AK2: variants seen among roughly 807,000 people sequenced by gnomAD.
AK2 encodes the protein adenylate kinase 2.
AK2 carries 15 observed loss-of-function variants against 24.6 expected under a neutral mutation model. That is an observed-to-expected ratio of 0.61 (90% confidence interval 0.41 to 0.94). AK2 has a LOEUF of 0.94. AK2 is among the 40% of genes least tolerant of loss of function. The probability of loss-of-function intolerance (pLI) is 0.00; values close to 1 mark genes in which losing one functional copy is unlikely to be tolerated. For missense variants in AK2, 257 were observed against 304.1 expected, an observed-to-expected ratio of 0.85 and a Z score of 1.15; for synonymous variants, 102 against 114.0, an observed-to-expected ratio of 0.90 and a Z score of 0.67.
At chr1:33,032,801 T>C (rs1403893460) in intron 1 of AK2, among the ~76,000 whole-genome samples, 1 of 152,188 alleles carries the variant, frequency 6.6e-6, no homozygotes, top group Non-Finnish European at 1.5e-5. Flanking sequence ...CAGAGGAAGA[T>C]GTTAAGTACA....
At chr1:33,036,533 C>T (rs1039333169) in intron 1 of AK2, among the ~76,000 whole-genome samples, 1 of 152,216 alleles carries the variant, frequency 6.6e-6, no homozygotes. Context: ...ATCCCTCGGG[C>T]ACTCCAATCC....
At chr1:33,028,409 C>T (rs781536137) in intron 1 of AK2, among the ~76,000 whole-genome samples, 7 of 151,512 alleles carry the variant, frequency 4.6e-5, no homozygotes, top group Non-Finnish European at 7.4e-5. Context: ...GCAGAAGAAT[C>T]GCTTAAAACT....
At position 33,012,984 on chromosome 1, in the gene AK2, G is replaced by A. The variant is rs937618804; in HGVS notation, c.*197C>T. On this transcript the variant is annotated 3_prime_UTR_variant, in exon 6 of 6. Coordinates refer to ENST00000672715, the MANE Select transcript of AK2 (RefSeq NM_001625.4). The stretch of plus-strand genomic sequence containing the variant: ...TAGCAGAGTGAACACATATGTGCAT[G>A]CACACACACACACACACAACACACA... 3.3e-6 allele frequency: 5 copies of A among 1,500,906 alleles called. No individual in the cohort carries two copies. The highest frequency in any genetic ancestry group is 2.4e-5 in the East Asian group (1 of 41,068). The allele number at this position is 1,500,906 out of a possible 1,614,324, so 93.0% of individuals were successfully genotyped here. A position where few individuals can be genotyped will look rare whatever the true frequency, so the allele number is the denominator to read the frequency against.
At chr1:33,027,410 C>T (rs182820630) in intron 1 of AK2, among the ~76,000 whole-genome samples, 34 of 152,234 alleles carry the variant, frequency 2.2e-4, no homozygotes, top group African/African-American at 6.3e-4. Context: ...TGATTGGATT[C>T]TACAGCTAGA....
At position 33,012,346 on chromosome 1, in the gene AK2, G is replaced by A. The variant is rs113978835; in HGVS notation, c.*835C>T. 645 of 1,529,260 alleles carry A rather than the reference G, an allele frequency of 4.2e-4. 1 individual carries two copies. Among genetic ancestry groups the A allele is most frequent in the Non-Finnish European group, 5.2e-4 (599 of 1,144,652 alleles). 94.7% of individuals were successfully genotyped at this position (1,529,260 alleles called of 1,614,324 possible). On this transcript the variant is annotated 3_prime_UTR_variant, in exon 6 of 6. Transcript: ENST00000672715. Reference sequence around the variant, plus strand: ...TAAGTGCCTTTTTCCTTCCACCTAGGGGGAAAAAATTAATGATCCCTGTTC... The same window carrying A: ...TAAGTGCCTTTTTCCTTCCACCTAGAGGGAAAAAATTAATGATCCCTGTTC...
chr1:33,024,380 A>T, intron 2 of AK2, 62 bp downstream of exon 2: 6 of 1,608,462 alleles, frequency 3.7e-6, no homozygotes, highest in Non-Finnish European at 5.1e-6. Flanking sequence ...TGGCTACCAT[A>T]TTGGACAGTG....
intron 2 of AK2, among the ~76,000 whole-genome samples, chr1:33,023,872 T>C (rs1639702581): frequency 6.6e-6 from 1 of 152,120 alleles, no homozygotes; most frequent in Admixed American, 6.5e-5. Flanking sequence ...TAACTTGCAC[T>C]CTAAAAAGTC....
intron 1 of AK2, chr1:33,031,131 A>C (rs1640211162): frequency 1.3e-5 from 2 of 152,366 alleles, no homozygotes; most frequent in Non-Finnish European, 2.9e-5. Flanking sequence ...GAACTTCAGC[A>C]AATTGTAGTT....
chr1:33,018,684 TTCTC>T (rs893233246), intron 4 of AK2, among the ~76,000 whole-genome samples: 1 of 152,186 alleles, frequency 6.6e-6, no homozygotes, highest in Non-Finnish European at 1.5e-5. Context: ...GGAATGAATC[TTCTC>T]TCTTTCACCC....
intron 2 of AK2, 64 bp downstream of exon 2, chr1:33,024,378 A>G (rs1639742179): frequency 9.3e-6 from 15 of 1,607,420 alleles, no homozygotes; most frequent in Middle Eastern, 2.2e-4. Flanking sequence ...GGTGGCTACC[A>G]TATTGGACAG....
chr1:33,024,829 TATTA>T (rs1310251071), intron 1 of AK2, among the ~76,000 whole-genome samples: 4 of 152,326 alleles, frequency 2.6e-5, no homozygotes, highest in Middle Eastern at 6.8e-3. Context: ...GAGTCATAAA[TATTA>T]ATTATCACTA....
Position 33,013,098 on chromosome 1 carries a change from T to C in AK2, c.*83A>G, listed in dbSNP as rs748489922. ...ACATCAAATGATATTTTTGCTAGCC[T>C]GAGGAAGCTTCTCTTTGCCTGTCCT... On this transcript the variant is annotated 3_prime_UTR_variant, in exon 6 of 6. Coordinates refer to ENST00000672715, the MANE Select transcript of AK2 (RefSeq NM_001625.4). The C allele has an allele frequency of 6.2e-7, 1 of 1,612,290 alleles. No homozygotes were observed. The highest frequency in any genetic ancestry group is 8.5e-7 in the Non-Finnish European group (1 of 1,179,992).
chr1:33,036,246 G>A (rs1481560868), intron 1 of AK2, among the ~76,000 whole-genome samples: 1 of 152,050 alleles, frequency 6.6e-6, no homozygotes. Context: ...CTCTCACTCT[G>A]CCCCACGTGT....
chr1:33,028,417 A>C (rs2284806), intron 1 of AK2, among the ~76,000 whole-genome samples: 52,057 of 151,570 alleles, frequency 0.34, 9,388 homozygotes, highest in African/African-American at 0.44. Context: ...ATCGCTTAAA[A>C]CTGGGAGGCA....
rs74064951 is a variant in AK2, at chr1:33,034,491, T to C, written c.93+2245A>G. On this transcript the variant is annotated intron_variant, in intron 1 of 5. Coordinates refer to ENST00000672715, the MANE Select transcript of AK2 (RefSeq NM_001625.4). ...ACACACACACACACACACACACATATATCATAATTTTCCAGTATCATTGTG... is the reference window on the plus strand; with the variant it reads ...ACACACACACACACACACACACATACATCATAATTTTCCAGTATCATTGTG... Among the ~76,000 whole-genome samples, 41 of 139,712 alleles carry C rather than the reference T, an allele frequency of 2.9e-4. No homozygotes were observed. In the East Asian group the frequency reaches 3.8e-3, roughly 13 times the overall value. 91.7% of individuals were successfully genotyped at this position (139,712 alleles called of 152,430 possible). A position where few individuals can be genotyped will look rare whatever the true frequency, so the allele number is the denominator to read the frequency against.
At position 33,010,884 on chromosome 1, in the gene AK2, G is replaced by A. The variant is rs747705011; in HGVS notation, c.*2297C>T. 6.2e-7 allele frequency: 1 copy of A among 1,613,162 alleles called. No individual in the cohort carries two copies. The highest frequency in any genetic ancestry group is 8.5e-7 in the Non-Finnish European group (1 of 1,179,638). ...AACAAAATGGGTTTTTAAAAACCAA[G>A]TACATATCAGAGGAGGCTGGCATGT... is the stretch of plus-strand genomic sequence containing the variant. On this transcript the variant is annotated 3_prime_UTR_variant, in exon 6 of 6. Transcript: ENST00000672715.
intron 2 of AK2, chr1:33,024,179 G>A (rs1317317647): frequency 6.7e-6 from 3 of 449,418 alleles, no homozygotes; most frequent in East Asian, 9.6e-5. Context: ...AAAAAAAAAA[G>A]AAAAAAAATT....
chr1:33,027,916 G>A (rs1204638409), intron 1 of AK2, among the ~76,000 whole-genome samples: 1 of 152,076 alleles, frequency 6.6e-6, no homozygotes, highest in East Asian at 1.9e-4. Flanking sequence ...GTGATCTTGG[G>A]CTAAGTACTT....
chr1:33,031,761 C>T (rs1640247856), intron 1 of AK2: 1 of 440,456 alleles, frequency 2.3e-6, no homozygotes, highest in Admixed American at 2.4e-5. Flanking sequence ...CCTAAGCGTG[C>T]CTGGCCTCGA....
Sources: allele counts gnomAD v4.1 joint callset (sites outside exome capture counted in the v4.1 genomes callset), GRCh38; gene constraint gnomAD v4.1.1; transcripts MANE v1.5; gene names NCBI Gene and HGNC (gene_info 2026-07-23, HGNC 2026-07-21).